Variants in RIMS1 observed in about 807,000 individuals in gnomAD.
RIMS1 encodes regulating synaptic membrane exocytosis protein 1.
RIMS1 carries 83 observed loss-of-function variants against 214.1 expected under a neutral mutation model. The ratio of observed to expected loss-of-function variants is 0.39; its 90% CI spans 0.32 to 0.47. The LOEUF is 0.47. Ranked by LOEUF, RIMS1 falls within the 20% of genes least tolerant of loss-of-function variation. The pLI is 0.99. For synonymous variants in RIMS1, 793 were observed against 786.8 expected (o/e 1.01, Z -0.13); for missense variants, 2,050 against 2,161.8 (o/e 0.95, Z 1.03).
chr6:72,284,986 G>A (rs1301603914), intron 24 of RIMS1, among the ~76,000 whole-genome samples: 1 of 152,168 alleles, frequency 6.6e-6, no homozygotes, highest in Non-Finnish European at 1.5e-5. Flanking sequence ...GGGACAACGT[G>A]AGAAAACACT....
At chr6:72,036,901 A>G (rs1819780322) in intron 2 of RIMS1, among the ~76,000 whole-genome samples, 1 of 152,186 alleles carries the variant, frequency 6.6e-6, no homozygotes, top group African/African-American at 2.4e-5. Context: ...TATAACCTCC[A>G]CTTTGCTTTT....
chr6:71,928,252 C>T (rs1026786353), intron 1 of RIMS1, among the ~76,000 whole-genome samples: 30 of 151,874 alleles, frequency 2.0e-4, no homozygotes, highest in East Asian at 3.9e-4. Context: ...TCTTGAAATC[C>T]GATTTTTAAA....
intron 29 of RIMS1, 21 bp downstream of exon 29, chr6:72,333,856 C>A: frequency 6.7e-7 from 1 of 1,491,970 alleles, no homozygotes; most frequent in Non-Finnish European, 9.2e-7. Flanking sequence ...TGAATTCAAC[C>A]TAAACAACTC....
In RIMS1 at chr6:72,292,029, G is replaced by A. The variant is rs2093463529; in HGVS notation, c.3833G>A (p.Ser1278Asn). ...GRQLPQVPVRSGSIEQASLVV... is the reference protein window; with the variant it reads ...GRQLPQVPVRNGSIEQASLVV... The stretch of plus-strand genomic sequence containing the variant: ...CAGCTCCCACAAGTGCCAGTGAGAA[G>A]CGGCAGTATAGAACAAGGTATCCGA... The change falls in exon 26 of 34, where the codon AGC (serine) becomes AAC (asparagine). Residue 1278 changes from serine (S) to asparagine (N), a missense_variant. Physicochemically the swap from Ser to Asn is conservative, Grantham distance 46. Around this residue, in one of 6 missense-constraint regions of RIMS1, gnomAD observed 889 missense variants for 885.5 expected, o/e 1.00. Transcript: ENST00000521978. 3 of 1,555,644 alleles carry A rather than the reference G, an allele frequency of 1.9e-6. No individual in the cohort carries two copies. The highest frequency in any genetic ancestry group is 1.7e-6 in the Non-Finnish European group (2 of 1,149,132).
chr6:72,339,417 A>G (rs2096964126), intron 29 of RIMS1, among the ~76,000 whole-genome samples: 1 of 151,908 alleles, frequency 6.6e-6, no homozygotes, highest in South Asian at 2.1e-4. Flanking sequence ...ATATCTCCTA[A>G]TGCTATCCCT....
Position 71,886,733 on chromosome 6 carries a change from C to A in RIMS1, c.-291C>A. ...CCGCCGCGCCTCCGCCTGCCCGCCCCCGCCGGCCGAGGCTGGGCTGCGGGA... is the reference window on the plus strand; with the variant it reads ...CCGCCGCGCCTCCGCCTGCCCGCCCACGCCGGCCGAGGCTGGGCTGCGGGA... On this transcript the variant is annotated 5_prime_UTR_variant, in exon 1 of 34. Coordinates refer to ENST00000521978, the MANE Select transcript of RIMS1 (RefSeq NM_014989.7). 4.8e-6 allele frequency: 1 copy of A among 209,460 alleles called. No individual in the cohort carries two copies. The allele number at this position is 209,460 out of a possible 1,614,324, so 13.0% of individuals were successfully genotyped here.
chr6:72,019,230 G>A (rs542469788), intron 2 of RIMS1, among the ~76,000 whole-genome samples: 6 of 152,108 alleles, frequency 3.9e-5, no homozygotes, highest in East Asian at 3.8e-4. Flanking sequence ...ATGTATACAC[G>A]TGCTGTCAGT....
intron 29 of RIMS1, among the ~76,000 whole-genome samples, chr6:72,363,024 C>T (rs1192393821): frequency 2.6e-5 from 4 of 152,112 alleles, no homozygotes. Context: ...ACAGGATGGT[C>T]ATCTCAAATG....
rs372807610 is a variant in RIMS1, at chr6:72,388,438, C to T, written c.4367-2160C>T. ...AGATGATATGGCATTTCCTGGGCCA[C>T]GATAACAATTTTGGATTTTCATTTT... On this transcript the variant is annotated intron_variant, in intron 29 of 33. Transcript: ENST00000521978. 8.5e-5 allele frequency among the ~76,000 whole-genome samples: 13 copies of T among 152,202 alleles called. No homozygotes were observed. In the East Asian group the frequency reaches 1.9e-3, roughly 23 times the overall value.
At chr6:72,250,302 A>G (rs758024937) in intron 12 of RIMS1, 28 bp from the exon 13 acceptor site, 2 of 1,580,262 alleles carry the variant, frequency 1.3e-6, no homozygotes, top group Non-Finnish European at 1.7e-6. Context: ...TGATTTTTAC[A>G]AATAATTCCT....
chr6:72,048,600 C>T (rs951900090), intron 2 of RIMS1, among the ~76,000 whole-genome samples: 2 of 152,048 alleles, frequency 1.3e-5, no homozygotes, highest in Non-Finnish European at 2.9e-5. Flanking sequence ...GGTGATACTA[C>T]CATAATGAAG....
intron 4 of RIMS1, among the ~76,000 whole-genome samples, chr6:72,171,621 G>A (rs1319264175): frequency 3.3e-5 from 5 of 152,148 alleles, no homozygotes; most frequent in Non-Finnish European, 5.9e-5. Context: ...GTCTATAGAT[G>A]ATGACAATGA....
At chr6:72,338,018 C>T (rs887058966) in intron 29 of RIMS1, among the ~76,000 whole-genome samples, 1 of 151,606 alleles carries the variant, frequency 6.6e-6, no homozygotes, top group Admixed American at 6.6e-5. Flanking sequence ...GGTTCCAAGT[C>T]TTTGCTATTG....
chr6:72,253,274 G>A (rs941350143), intron 16 of RIMS1, among the ~76,000 whole-genome samples: 12 of 152,100 alleles, frequency 7.9e-5, no homozygotes, highest in African/African-American at 2.4e-4. Flanking sequence ...ATTGCATGTG[G>A]CATGGCTGTA....
At chr6:72,264,613 T>C (rs1250236957) in intron 19 of RIMS1, among the ~76,000 whole-genome samples, 1 of 152,318 alleles carries the variant, frequency 6.6e-6, no homozygotes, top group East Asian at 1.9e-4. Context: ...TATAAATTAG[T>C]TGATTTTTAC....
At chr6:72,082,891 TC>T (rs1833756395) in intron 2 of RIMS1, among the ~76,000 whole-genome samples, 1 of 152,208 alleles carries the variant, frequency 6.6e-6, no homozygotes, top group Admixed American at 6.5e-5. Context: ...TCTCATTTAT[TC>T]CCTTGTGGCT....
At chr6:71,999,876 T>C (rs1348065047) in intron 2 of RIMS1, among the ~76,000 whole-genome samples, 1 of 152,180 alleles carries the variant, frequency 6.6e-6, no homozygotes, top group Non-Finnish European at 1.5e-5. Context: ...TTTTTCATAA[T>C]TTCTTCCAGT....
At chr6:72,397,012 CAAATAAAT>C (rs530605359) in intron 31 of RIMS1, among the ~76,000 whole-genome samples, 1 of 151,210 alleles carries the variant, frequency 6.6e-6, no homozygotes, top group Non-Finnish European at 1.5e-5. Context: ...GCCTCTGTCT[CAAATAAAT>C]AAATAAATAA....
At chr6:72,030,322 A>G (rs1293170673) in intron 2 of RIMS1, among the ~76,000 whole-genome samples, 1 of 152,166 alleles carries the variant, frequency 6.6e-6, no homozygotes, top group Non-Finnish European at 1.5e-5. Flanking sequence ...ATTCAGAGAG[A>G]CTTTTCCCTC....
Sources: allele counts gnomAD v4.1 joint callset (sites outside exome capture counted in the v4.1 genomes callset), GRCh38; gene constraint gnomAD v4.1.1; regional missense constraint gnomAD v4.1.1; transcripts MANE v1.5; gene names NCBI Gene and HGNC (gene_info 2026-07-23, HGNC 2026-07-21).